Variants in ADARB2 observed in about 807,000 individuals in gnomAD.
The protein encoded by ADARB2 is inactive double-stranded RNA-specific editase B2.
ADARB2 carries 25 observed loss-of-function variants against 62.2 expected under a neutral mutation model. The ratio of observed to expected loss-of-function variants is 0.40; its 90% CI spans 0.29 to 0.56. ADARB2 has a LOEUF of 0.56. Ranked by LOEUF, ADARB2 falls within the 20% of genes least tolerant of loss-of-function variation. The pLI, the probability that ADARB2 is intolerant of heterozygous loss-of-function variation, is 0.43. For synonymous variants in ADARB2, 572 were observed against 500.8 expected (o/e 1.14, Z -1.90); for missense variants, 1,071 against 1,077.4 (o/e 0.99, Z 0.08).
At chr10:1,334,785 T>C (rs1358618028) in intron 3 of ADARB2, among the ~76,000 whole-genome samples, 1 of 152,220 alleles carries the variant, frequency 6.6e-6, no homozygotes, top group African/African-American at 2.4e-5. Flanking sequence ...AGCACCTGTG[T>C]GTAGCTGGGC....
intron 1 of ADARB2, among the ~76,000 whole-genome samples, chr10:1,545,444 C>G (rs368543113): frequency 1.2e-4 from 18 of 152,168 alleles, no homozygotes; most frequent in African/African-American, 4.1e-4. Flanking sequence ...ACAAGTAGAA[C>G]AGAAATGAGA....
At chr10:1,244,014 C>T (rs77028753) in intron 4 of ADARB2, among the ~76,000 whole-genome samples, 3,874 of 152,354 alleles carry the variant, frequency 0.025, 62 homozygotes, top group Middle Eastern at 0.051. Context: ...CCCAGGAAAG[C>T]TCGTGAGCAG....
intron 1 of ADARB2, among the ~76,000 whole-genome samples, chr10:1,522,514 C>T (rs1405042073): frequency 1.3e-5 from 2 of 152,312 alleles, no homozygotes; most frequent in Admixed American, 6.5e-5. Context: ...CAGGAAGGTC[C>T]AGGCCCAGAT....
At chr10:1,292,414 C>A (rs544440507) in intron 3 of ADARB2, 1 of 152,218 alleles carries the variant, frequency 6.6e-6, no homozygotes, top group Admixed American at 6.5e-5. Flanking sequence ...CTCACTTAGA[C>A]AAAAGGCTTG....
chr10:1,591,006 G>A (rs930580730), intron 1 of ADARB2, among the ~76,000 whole-genome samples: 2 of 152,224 alleles, frequency 1.3e-5, no homozygotes, highest in Non-Finnish European at 2.9e-5. Flanking sequence ...CTAATGCCAC[G>A]CTGGGCTCCG....
intron 1 of ADARB2, among the ~76,000 whole-genome samples, chr10:1,663,140 AC>A (rs1159519940): frequency 1.3e-5 from 2 of 152,248 alleles, no homozygotes; most frequent in Admixed American, 1.3e-4. Flanking sequence ...AAAGTGATCA[AC>A]TATTTTAGAG....
intron 1 of ADARB2, among the ~76,000 whole-genome samples, chr10:1,492,626 G>A (rs1202797327): frequency 6.6e-6 from 1 of 152,054 alleles, no homozygotes; most frequent in Non-Finnish European, 1.5e-5. Flanking sequence ...GCTAATAGGT[G>A]GTCCAAGAAC....
intron 1 of ADARB2, among the ~76,000 whole-genome samples, chr10:1,734,833 A>T (rs1835280154): frequency 6.6e-6 from 1 of 152,202 alleles, no homozygotes; most frequent in Non-Finnish European, 1.5e-5. Flanking sequence ...TATTCTATTC[A>T]TTTATGGTTG....
At chr10:1,612,889 A>G (rs1833589187) in intron 1 of ADARB2, among the ~76,000 whole-genome samples, 1 of 152,230 alleles carries the variant, frequency 6.6e-6, no homozygotes, top group Admixed American at 6.5e-5. Flanking sequence ...GCAGAGCCCT[A>G]TCTTAAACTA....
intron 1 of ADARB2, among the ~76,000 whole-genome samples, chr10:1,632,741 C>G (rs1371367945): frequency 6.6e-6 from 1 of 152,236 alleles, no homozygotes; most frequent in Non-Finnish European, 1.5e-5. Context: ...GACCTCACAG[C>G]CCAGCAGTCA....
At chr10:1,538,767 C>G (rs1832367976) in intron 1 of ADARB2, among the ~76,000 whole-genome samples, 1 of 152,240 alleles carries the variant, frequency 6.6e-6, no homozygotes. Flanking sequence ...AGGACAGGAA[C>G]TCAGCAGAAA....
chr10:1,399,339 G>A (rs923865596), intron 1 of ADARB2, among the ~76,000 whole-genome samples: 27 of 152,212 alleles, frequency 1.8e-4, no homozygotes, highest in Non-Finnish European at 3.5e-4. Context: ...GGCCCGTGAT[G>A]GGTGACGCCA....
intron 2 of ADARB2, among the ~76,000 whole-genome samples, chr10:1,368,567 C>T (rs1392992820): frequency 6.6e-6 from 1 of 152,166 alleles, no homozygotes; most frequent in Non-Finnish European, 1.5e-5. Flanking sequence ...GGTTGCGTCT[C>T]CCTCCTTGAG....
At chr10:1,586,648 A>G (rs1833184452) in intron 1 of ADARB2, among the ~76,000 whole-genome samples, 1 of 152,074 alleles carries the variant, frequency 6.6e-6, no homozygotes, top group African/African-American at 2.4e-5. Context: ...GTAAATCTCA[A>G]GTTGCTTTGC....
intron 1 of ADARB2, among the ~76,000 whole-genome samples, chr10:1,668,732 C>T (rs890505089): frequency 6.6e-6 from 1 of 152,152 alleles, no homozygotes; most frequent in Non-Finnish European, 1.5e-5. Flanking sequence ...GCCCTGGTCC[C>T]CAAGGAAAGA....
At chr10:1,342,967 G>A (rs1447614774) in intron 3 of ADARB2, among the ~76,000 whole-genome samples, 1 of 152,186 alleles carries the variant, frequency 6.6e-6, no homozygotes, top group African/African-American at 2.4e-5. Flanking sequence ...CAACTTAAGA[G>A]ACTTGTATGA....
intron 8 of ADARB2, among the ~76,000 whole-genome samples, chr10:1,188,440 G>A (rs533940980): frequency 6.6e-6 from 1 of 152,320 alleles, no homozygotes; most frequent in Admixed American, 6.5e-5. Context: ...TCCTTTCACG[G>A]AAAACACATT....
chr10:1,737,187 C>T lies in ADARB2; in HGVS notation c.-37G>A. ...AGGCGCGGAGCCCAGAGCCGCCTCC[C>T]TCCTGCACCTGCACCTGCCTCCTTC... On this transcript the variant is annotated 5_prime_UTR_variant, in exon 1 of 10. Coordinates refer to ENST00000381312, the MANE Select transcript of ADARB2 (RefSeq NM_018702.4). 6.3e-7 allele frequency: 1 copy of T among 1,591,938 alleles called. No homozygotes were observed. Among genetic ancestry groups the T allele is most frequent in the Non-Finnish European group, 8.5e-7 (1 of 1,172,280 alleles).
At chr10:1,692,277 A>G (rs1052933442) in intron 1 of ADARB2, among the ~76,000 whole-genome samples, 4 of 152,190 alleles carry the variant, frequency 2.6e-5, no homozygotes, top group African/African-American at 9.7e-5. Context: ...ACATTGGTTT[A>G]ATTTGTGCAG....
Sources: gnomAD v4.1 joint callset for allele counts (sites outside exome capture counted in the v4.1 genomes callset) on GRCh38, gnomAD v4.1.1 for gene constraint, MANE v1.5 for transcripts, NCBI Gene and HGNC (gene_info 2026-07-23, HGNC 2026-07-21) for gene names.